RPTOR: variants seen among roughly 807,000 people sequenced by gnomAD.
RPTOR encodes the protein regulatory-associated protein of mTOR.
In RPTOR, 21 loss-of-function variants were observed where a neutral mutation model predicts 169.9. The ratio of observed to expected loss-of-function variants is 0.12; its 90% CI spans 0.09 to 0.18. RPTOR has a LOEUF of 0.18. Ranked by LOEUF, RPTOR falls within the 10% of genes least tolerant of loss-of-function variation. RPTOR has a pLI of 1.00. For missense variants in RPTOR, 1,133 were observed against 1,855.9 expected (o/e 0.61, Z 7.16); for synonymous variants, 732 against 753.2 (o/e 0.97, Z 0.46).
chr17:80,900,816 G>A (rs116621125), intron 20 of RPTOR, among the ~76,000 whole-genome samples: 26 of 152,382 alleles, frequency 1.7e-4, no homozygotes, highest in African/African-American at 5.8e-4. Context: ...GCCTGCAAGT[G>A]TGCAGAACCG....
chr17:80,918,469 CGGAGTCATAGCCACGAGCACCCTCGCG>C (rs2068703613), intron 21 of RPTOR, among the ~76,000 whole-genome samples: 3 of 18,288 alleles, frequency 1.6e-4, no homozygotes, highest in African/African-American at 6.1e-4. Context: ...GCACCCTCGC[CGGAGTCATAGCCACGAGCACCCTCGCG>C]GGGGTCATAG....
intron 13 of RPTOR, among the ~76,000 whole-genome samples, chr17:80,863,837 T>C (rs1220083761): frequency 6.6e-6 from 1 of 152,164 alleles, no homozygotes; most frequent in African/African-American, 2.4e-5. Context: ...GGAGAATCGC[T>C]TGAGCCCGGG....
chr17:80,644,653 T>C (rs2065579870), intron 3 of RPTOR, among the ~76,000 whole-genome samples: 1 of 152,196 alleles, frequency 6.6e-6, no homozygotes, highest in Non-Finnish European at 1.5e-5. Flanking sequence ...AACACATGAT[T>C]TATGGAACCT....
chr17:80,776,367 A>G (rs376446672), intron 6 of RPTOR, among the ~76,000 whole-genome samples: 4 of 116,634 alleles, frequency 3.4e-5, no homozygotes, highest in African/African-American at 1.4e-4. Flanking sequence ...CTGTCTTCCC[A>G]GGCTGGAGTG....
chr17:80,730,771 T>TTTTTTTTTTTTCCCGGGGGGGGG lies in RPTOR; in HGVS notation c.654+65_654+66insTTTTTTTTTTTCCCGGGGGGGGG. 1 of 479,856 alleles carries TTTTTTTTTTTTCCCGGGGGGGGG rather than the reference T, an allele frequency of 2.1e-6. No individual in the cohort carries two copies. The highest frequency in any genetic ancestry group is 4.0e-6 in the Non-Finnish European group (1 of 250,638). The allele number at this position is 479,856 out of a possible 1,614,324, so 29.7% of individuals were successfully genotyped here. A position where few individuals can be genotyped will look rare whatever the true frequency, so the allele number is the denominator to read the frequency against. ...TTTTGTTTTCCCTGGGGGTGGGGTT[T>TTTTTTTTTTTTCCCGGGGGGGGG]GGGTGGGGAGGTTGGGAGGTGTTGG... On this transcript the variant is annotated intron_variant, in intron 5 of 33. Coordinates refer to ENST00000306801, the MANE Select transcript of RPTOR (RefSeq NM_020761.3). This position sits in a 1 kb window ranked among gnomAD's most constrained non-coding sequence, Gnocchi z 4.2.
chr17:80,817,034 C>T (rs1429875134), intron 7 of RPTOR, among the ~76,000 whole-genome samples: 1 of 152,198 alleles, frequency 6.6e-6, no homozygotes, highest in Non-Finnish European at 1.5e-5. Context: ...TAAGACCTGC[C>T]TGGCGTGGGC....
chr17:80,693,939 C>T (rs377305380), intron 3 of RPTOR, among the ~76,000 whole-genome samples: 2 of 152,356 alleles, frequency 1.3e-5, no homozygotes, highest in African/African-American at 4.8e-5. Flanking sequence ...CAGCTCACAT[C>T]CTCTTGCTCC....
At chr17:80,871,119 C>T (rs191861100) in intron 13 of RPTOR, among the ~76,000 whole-genome samples, 13 of 151,222 alleles carry the variant, frequency 8.6e-5, no homozygotes, top group African/African-American at 2.9e-4. Flanking sequence ...ATTTTTTTTT[C>T]GTTTGAGACG....
At chr17:80,598,001 G>T (rs1401071028) in intron 1 of RPTOR, among the ~76,000 whole-genome samples, 2 of 152,092 alleles carry the variant, frequency 1.3e-5, no homozygotes, top group Non-Finnish European at 2.9e-5. Context: ...TATTAGCTGG[G>T]TGTGGTGGTG....
At chr17:80,661,800 G>T (rs1266013793) in intron 3 of RPTOR, among the ~76,000 whole-genome samples, 1 of 151,946 alleles carries the variant, frequency 6.6e-6, no homozygotes, top group Non-Finnish European at 1.5e-5. Flanking sequence ...CCATCCAGTG[G>T]TTCCAAGACA....
intron 19 of RPTOR, 25 bp from the exon 20 acceptor site, chr17:80,893,682 A>C: frequency 6.2e-7 from 1 of 1,603,186 alleles, no homozygotes. Context: ...GGAGCACCCC[A>C]CTGACCCCGT....
chr17:80,704,991 T>A (rs1278492883), intron 3 of RPTOR, among the ~76,000 whole-genome samples: 1 of 152,116 alleles, frequency 6.6e-6, no homozygotes, highest in Non-Finnish European at 1.5e-5. Context: ...ATGGCTGGGG[T>A]CCCCCATGGG....
intron 24 of RPTOR, among the ~76,000 whole-genome samples, chr17:80,930,337 CTCA>C (rs2068871103): frequency 1.3e-5 from 1 of 74,410 alleles, no homozygotes; most frequent in Non-Finnish European, 3.0e-5. Flanking sequence ...TCATCCTCAG[CTCA>C]TCCTCAGCTC....
In RPTOR at chr17:80,966,246, G is replaced by A. The variant is rs938580597; in HGVS notation, c.*1916G>A. 3.5e-5 allele frequency: 8 copies of A among 231,792 alleles called. No individual in the cohort carries two copies. Among genetic ancestry groups the A allele is most frequent in the East Asian group, 6.1e-5 (1 of 16,442 alleles). 14.4% of individuals were successfully genotyped at this position (231,792 alleles called of 1,614,324 possible). On this transcript the variant is annotated 3_prime_UTR_variant, in exon 34 of 34. Coordinates refer to ENST00000306801, the MANE Select transcript of RPTOR (RefSeq NM_020761.3). ...ACGTTAACCGGCTCGAGAGAGCGCC[G>A]GCCTAGAGGCTCATTATCTATTTAT...
chr17:80,625,091 A>G (rs1381949807), intron 1 of RPTOR, among the ~76,000 whole-genome samples: 2 of 152,118 alleles, frequency 1.3e-5, no homozygotes, highest in African/African-American at 4.8e-5. Flanking sequence ...GGAACTGTGG[A>G]TTTGAGGGCC....
chr17:80,920,497 G>T (rs1321205650), intron 21 of RPTOR, among the ~76,000 whole-genome samples: 1 of 152,236 alleles, frequency 6.6e-6, no homozygotes, highest in Non-Finnish European at 1.5e-5. Context: ...AACCCCAGGG[G>T]CTGCGAGAAT....
intron 4 of RPTOR, among the ~76,000 whole-genome samples, chr17:80,713,972 T>G (rs1201960233): frequency 6.6e-6 from 1 of 152,124 alleles, no homozygotes; most frequent in Non-Finnish European, 1.5e-5. Flanking sequence ...GAGTCTCGCT[T>G]TGGTTGCCCA....
intron 9 of RPTOR, among the ~76,000 whole-genome samples, chr17:80,824,300 A>T (rs1474552045): frequency 6.6e-6 from 1 of 152,238 alleles, no homozygotes; most frequent in Admixed American, 6.5e-5. Context: ...GAACCCTGAT[A>T]AGGAGAAAAG....
chr17:80,753,612 G>A (rs1254370796), intron 5 of RPTOR, among the ~76,000 whole-genome samples: 1 of 119,486 alleles, frequency 8.4e-6, no homozygotes, highest in Admixed American at 1.1e-4. Flanking sequence ...CAGCCTGGGC[G>A]ACAGAGCGAA....
Sources: allele counts gnomAD v4.1 joint callset (sites outside exome capture counted in the v4.1 genomes callset), GRCh38; gene constraint gnomAD v4.1.1; non-coding constraint Gnocchi (gnomAD v3.1); transcripts MANE v1.5; gene names NCBI Gene and HGNC (gene_info 2026-07-23, HGNC 2026-07-21).